Variants in IPO11 observed in about 807,000 individuals in gnomAD.
IPO11 encodes the protein importin 11.
Under a neutral mutation model 143.2 loss-of-function variants are expected in IPO11, and 66 were observed. The observed-to-expected ratio is 0.46, with a 90% CI of 0.38 to 0.57. The LOEUF (loss-of-function observed/expected upper bound fraction) is 0.57, where lower values mean the gene tolerates loss of function less well. IPO11 is among the 20% of genes least tolerant of loss of function. The pLI is 0.00. For missense variants in IPO11, 1,026 were observed against 1,141.0 expected (o/e 0.90, Z 1.45); for synonymous variants, 385 against 377.8 (o/e 1.02, Z -0.22).
At chr5:62,464,143 GTTTTTTTTTTT>G (rs34056674) in intron 5 of IPO11, among the ~76,000 whole-genome samples, 1 of 78,682 alleles carries the variant, frequency 1.3e-5, no homozygotes, top group Non-Finnish European at 2.3e-5. Flanking sequence ...GTTTTTGGTG[GTTTTTTTTTTT>G]TTTTTTTTTT....
At chr5:62,500,313 C>T (rs892194788) in intron 16 of IPO11, among the ~76,000 whole-genome samples, 6 of 152,078 alleles carry the variant, frequency 3.9e-5, no homozygotes, top group Admixed American at 2.6e-4. Flanking sequence ...AATGCCTTCT[C>T]CTGTCATACC....
chr5:62,535,218 T>C (rs1410068584), intron 22 of IPO11, among the ~76,000 whole-genome samples: 1 of 151,946 alleles, frequency 6.6e-6, no homozygotes, highest in African/African-American at 2.4e-5. Context: ...TCAAGTCTTC[T>C]TAAATGTTGG....
chr5:62,486,165 A>G (rs1243450373), intron 12 of IPO11, among the ~76,000 whole-genome samples: 2 of 151,636 alleles, frequency 1.3e-5, no homozygotes, highest in Non-Finnish European at 2.9e-5. Context: ...TTTATTTAGT[A>G]GAGACGGGGT....
At chr5:62,584,934 G>A (rs1451369152) in intron 27 of IPO11, among the ~76,000 whole-genome samples, 4 of 152,024 alleles carry the variant, frequency 2.6e-5, no homozygotes, top group Non-Finnish European at 4.4e-5. Context: ...TTGTTTCATT[G>A]CTTCTGACTC....
intron 8 of IPO11, 41 bp from the exon 9 acceptor site, chr5:62,476,642 G>A (rs749392239): frequency 6.7e-7 from 1 of 1,486,768 alleles, no homozygotes; most frequent in Non-Finnish European, 9.0e-7. Context: ...TCTTGGTTGT[G>A]AACTTATTAA....
rs755784513 is a variant in IPO11 at position 62,579,692 on chromosome 5, C to T, written c.2583-11885C>T. 74 of 1,547,904 alleles carry T rather than the reference C, an allele frequency of 4.8e-5. 2 individuals are homozygous for T. The highest frequency in any genetic ancestry group is 4.0e-4 in the South Asian group (33 of 83,464). ...GAAAGTGAATTAACAGGACTTCATT[C>T]TCTTGTAGCATTGTATTTGGATAAT... On this transcript the variant is annotated intron_variant, in intron 27 of 29. Transcript: ENST00000325324.
intron 6 of IPO11, 135 bp downstream of exon 6, chr5:62,467,398 G>A (rs1745609151): frequency 3.3e-6 from 3 of 903,108 alleles, no homozygotes; most frequent in East Asian, 5.3e-5. Context: ...GAAAGATAAG[G>A]GCTTATTTAT....
chr5:62,433,507 C>T (rs894037690), intron 1 of IPO11, among the ~76,000 whole-genome samples: 1 of 152,198 alleles, frequency 6.6e-6, no homozygotes, highest in Admixed American at 6.5e-5. Flanking sequence ...GTAGCTTCCT[C>T]TGCCTCTCAC....
intron 29 of IPO11, among the ~76,000 whole-genome samples, chr5:62,615,197 A>G (rs1746086195): frequency 6.6e-6 from 1 of 152,140 alleles, no homozygotes; most frequent in Admixed American, 6.5e-5. Context: ...TCCAGGCTTG[A>G]GGGTGAGGCC....
chr5:62,608,472 A>G (rs1745809372), intron 29 of IPO11, among the ~76,000 whole-genome samples: 1 of 152,216 alleles, frequency 6.6e-6, no homozygotes, highest in South Asian at 2.1e-4. Context: ...CTTTTAAGAA[A>G]GACCTCTGCA....
Position 62,515,372 on chromosome 5 carries a change from A to G in IPO11, c.1783-16A>G, listed in dbSNP as rs1484014835. 9 of 1,561,794 alleles carry G rather than the reference A, an allele frequency of 5.8e-6. No homozygotes were observed. Among genetic ancestry groups the G allele is most frequent in the Admixed American group, 4.0e-5 (2 of 49,674 alleles). On this transcript the variant is annotated splice_polypyrimidine_tract_variant and intron_variant, in intron 19 of 29. Transcript: ENST00000325324. ...CCAATAAAATTTTGTTGTTTCCTCT[A>G]CTTATATTGTAATAGATACGACCAT...
intron 16 of IPO11, among the ~76,000 whole-genome samples, chr5:62,495,885 T>C (rs1741124683): frequency 1.3e-5 from 2 of 152,178 alleles, no homozygotes; most frequent in Admixed American, 6.5e-5. Context: ...CTACCAGATA[T>C]CAACAAGTGT....
intron 26 of IPO11, among the ~76,000 whole-genome samples, chr5:62,558,743 G>C (rs1339269032): frequency 1.3e-5 from 2 of 151,988 alleles, no homozygotes; most frequent in East Asian, 3.8e-4. Context: ...AGTTTTAATA[G>C]AATATTTTAA....
rs552479587 is a variant in IPO11 at position 62,489,799 on chromosome 5, T to A, written c.1358-316T>A. 5.3e-5 allele frequency among the ~76,000 whole-genome samples: 8 copies of A among 152,218 alleles called. No individual in the cohort carries two copies. In the South Asian group the frequency reaches 1.7e-3, roughly 32 times the overall value. ...AAGGTTGAGTTGAGGCTGGAGAGAG[T>A]TAAGTAGGGACCAGATCATAAAATA... On this transcript the variant is annotated intron_variant, in intron 14 of 29. Transcript: ENST00000325324.
At chr5:62,446,005 C>T (rs1282975129) in intron 3 of IPO11, among the ~76,000 whole-genome samples, 1 of 152,032 alleles carries the variant, frequency 6.6e-6, no homozygotes, top group Admixed American at 6.6e-5. Flanking sequence ...CACATTATGT[C>T]AGGGGTTTGA....
intron 27 of IPO11, among the ~76,000 whole-genome samples, chr5:62,568,293 A>G (rs145687609): frequency 1.2e-3 from 177 of 151,864 alleles, no homozygotes; most frequent in African/African-American, 4.0e-3. Flanking sequence ...TCTGTCTTCT[A>G]CGTTACTCAT....
At chr5:62,486,270 GTGCC>G (rs1325274861) in intron 12 of IPO11, among the ~76,000 whole-genome samples, 6 of 152,128 alleles carry the variant, frequency 3.9e-5, no homozygotes, top group Non-Finnish European at 8.8e-5. Context: ...GTGAGCCACT[GTGCC>G]TGGCCTTTTC....
intron 19 of IPO11, among the ~76,000 whole-genome samples, chr5:62,514,631 AG>A (rs1741938891): frequency 6.6e-6 from 1 of 151,508 alleles, no homozygotes; most frequent in Non-Finnish European, 1.5e-5. Context: ...AGGGAGAGGG[AG>A]AGGGAGACGG....
chr5:62,596,348 T>C (rs1314212449), intron 28 of IPO11, among the ~76,000 whole-genome samples: 2 of 151,326 alleles, frequency 1.3e-5, no homozygotes, highest in African/African-American at 2.4e-5. Flanking sequence ...GACTCATAAA[T>C]TGTTTTTATA....
Sources: allele counts gnomAD v4.1 joint callset (sites outside exome capture counted in the v4.1 genomes callset), GRCh38; gene constraint gnomAD v4.1.1; transcripts MANE v1.5; gene names NCBI Gene and HGNC (gene_info 2026-07-23, HGNC 2026-07-21).